AGBL1: variants seen among roughly 807,000 people sequenced by gnomAD.
AGBL1 encodes the protein AGBL carboxypeptidase 1.
AGBL1 carries 130 observed loss-of-function variants against 118.9 expected under a neutral mutation model. The ratio of observed to expected loss-of-function variants is 1.09; its 90% CI spans 0.95 to 1.26. AGBL1 has a LOEUF of 1.26. Ranked by LOEUF, AGBL1 falls within the 50% of genes most tolerant of loss-of-function variation. The pLI, the probability that AGBL1 is intolerant of heterozygous loss-of-function variation, is 0.00. For missense variants in AGBL1, 1,584 were observed against 1,298.1 expected, an observed-to-expected ratio of 1.22 and a Z score of -3.38; for synonymous variants, 555 against 478.9, an observed-to-expected ratio of 1.16 and a Z score of -2.08.
chr15:86,463,878 C>G (rs185525433), intron 18 of AGBL1, among the ~76,000 whole-genome samples: 23 of 152,268 alleles, frequency 1.5e-4, no homozygotes, highest in Non-Finnish European at 2.1e-4. Context: ...TAGCGTGATG[C>G]CTCCAGCTTC....
At chr15:86,809,638 G>A (rs1053565607) in intron 22 of AGBL1, among the ~76,000 whole-genome samples, 30 of 152,172 alleles carry the variant, frequency 2.0e-4, no homozygotes, top group African/African-American at 6.0e-4. Flanking sequence ...AGAAATGCAG[G>A]CAGTCCTTGG....
chr15:86,664,339 T>C (rs1020468578), intron 21 of AGBL1, among the ~76,000 whole-genome samples: 1 of 152,192 alleles, frequency 6.6e-6, no homozygotes, highest in African/African-American at 2.4e-5. Flanking sequence ...GCCCTCATGC[T>C]TTCTTCTCTG....
At chr15:86,753,913 A>C (rs1282546304) in intron 22 of AGBL1, among the ~76,000 whole-genome samples, 1 of 152,112 alleles carries the variant, frequency 6.6e-6, no homozygotes, top group Admixed American at 6.6e-5. Flanking sequence ...GCTAGGCATC[A>C]GTGACTTGAG....
chr15:86,940,904 C>T (rs889725846), intron 23 of AGBL1, among the ~76,000 whole-genome samples: 4 of 152,178 alleles, frequency 2.6e-5, no homozygotes, highest in South Asian at 2.1e-4. Flanking sequence ...CTTTCTTCAG[C>T]CCTGCTCTGC....
chr15:86,223,729 G>C (rs1282092847), intron 5 of AGBL1, among the ~76,000 whole-genome samples: 1 of 152,168 alleles, frequency 6.6e-6, no homozygotes, highest in Non-Finnish European at 1.5e-5. Context: ...TGAATTTCAG[G>C]CTTTTGCTCT....
At chr15:86,091,731 C>G (rs1419740947) in intron 1 of AGBL1, among the ~76,000 whole-genome samples, 1 of 152,112 alleles carries the variant, frequency 6.6e-6, no homozygotes, top group African/African-American at 2.4e-5. Context: ...GCGAATGAAG[C>G]TCTTAAAGGT....
At chr15:86,866,736 C>A (rs2347451) in intron 22 of AGBL1, among the ~76,000 whole-genome samples, 1 of 152,106 alleles carries the variant, frequency 6.6e-6, no homozygotes, top group Admixed American at 6.5e-5. Flanking sequence ...TGCCTGTAGT[C>A]CCAGCTACTC....
chr15:86,583,504 G>A (rs771104628), intron 21 of AGBL1, among the ~76,000 whole-genome samples: 8 of 152,128 alleles, frequency 5.3e-5, no homozygotes, highest in Non-Finnish European at 1.0e-4. Flanking sequence ...TTGCTACAGA[G>A]GACATGATTT....
chr15:86,443,059 G>T (rs1022446497), intron 18 of AGBL1, among the ~76,000 whole-genome samples: 5 of 152,178 alleles, frequency 3.3e-5, no homozygotes, highest in Admixed American at 1.3e-4. Flanking sequence ...ATACTGTATT[G>T]TCTGACAAGG....
At chr15:86,971,231 G>C (rs2081105244) in intron 23 of AGBL1, among the ~76,000 whole-genome samples, 1 of 151,966 alleles carries the variant, frequency 6.6e-6, no homozygotes, top group Non-Finnish European at 1.5e-5. Flanking sequence ...GTCATACTTG[G>C]ATGTAGATGA....
chr15:86,671,267 TAAAC>T (rs141751810), intron 21 of AGBL1, among the ~76,000 whole-genome samples: 31 of 152,256 alleles, frequency 2.0e-4, no homozygotes, highest in East Asian at 9.7e-4. Flanking sequence ...CAATCAGATT[TAAAC>T]AAACAAACAA....
intron 18 of AGBL1, among the ~76,000 whole-genome samples, chr15:86,507,694 G>A (rs550088312): frequency 4.6e-5 from 7 of 152,176 alleles, no homozygotes; most frequent in Middle Eastern, 3.4e-3. Context: ...ATGGATATTT[G>A]GGGAAAGAGA....
chr15:86,169,620 A>T (rs906212903), intron 5 of AGBL1, among the ~76,000 whole-genome samples: 1 of 152,246 alleles, frequency 6.6e-6, no homozygotes, highest in African/African-American at 2.4e-5. Context: ...AAATCTTTAA[A>T]TTACTTATAA....
At chr15:86,954,285 C>A (rs1047482839) in intron 23 of AGBL1, among the ~76,000 whole-genome samples, 2 of 152,062 alleles carry the variant, frequency 1.3e-5, no homozygotes, top group African/African-American at 4.8e-5. Flanking sequence ...CTTGGCAATC[C>A]CATTACTGTG....
chr15:86,529,933 T>A (rs1206157481), intron 19 of AGBL1, among the ~76,000 whole-genome samples: 1 of 137,562 alleles, frequency 7.3e-6, no homozygotes, highest in Non-Finnish European at 1.5e-5. Context: ...CCACCAGGCC[T>A]GCCCTAAAAG....
At chr15:86,544,793 G>A (rs760785642) in intron 19 of AGBL1, among the ~76,000 whole-genome samples, 9 of 152,132 alleles carry the variant, frequency 5.9e-5, no homozygotes, top group Non-Finnish European at 1.3e-4. Flanking sequence ...ATGGCTAAGT[G>A]CATATTCCAG....
At chr15:86,411,081 C>CT (rs1181555619) in intron 18 of AGBL1, among the ~76,000 whole-genome samples, 1 of 149,980 alleles carries the variant, frequency 6.7e-6, no homozygotes, top group Non-Finnish European at 1.5e-5. Context: ...CAGCTAATGC[C>CT]TTTTTTCCTC....
intron 17 of AGBL1, among the ~76,000 whole-genome samples, chr15:86,324,089 T>G (rs2080146392): frequency 6.6e-6 from 1 of 152,218 alleles, no homozygotes; most frequent in African/African-American, 2.4e-5. Flanking sequence ...AGCCATTTAT[T>G]TGCTAATTTA....
chr15:86,112,318 A>G (rs1242080598), intron 1 of AGBL1, among the ~76,000 whole-genome samples: 1 of 152,066 alleles, frequency 6.6e-6, no homozygotes, highest in African/African-American at 2.4e-5. Flanking sequence ...GTCATTCCAC[A>G]TCTTGTTCTT....
Sources: gnomAD v4.1 joint callset for allele counts (sites outside exome capture counted in the v4.1 genomes callset) on GRCh38, gnomAD v4.1.1 for gene constraint, MANE v1.5 for transcripts, NCBI Gene and HGNC (gene_info 2026-07-23, HGNC 2026-07-21) for gene names.